The following DLGAP1 variants were observed in gnomAD, a reference collection of about 807,000 sequenced individuals.
The protein encoded by DLGAP1 is disks large-associated protein 1.
DLGAP1 carries 11 observed loss-of-function variants against 90.8 expected under a neutral mutation model. The observed-to-expected ratio is 0.12, with a 90% CI of 0.08 to 0.20. DLGAP1 has a LOEUF of 0.20. Among genes scored for constraint, DLGAP1 ranks in the 10% least tolerant of loss-of-function variants. The pLI is 1.00. For missense variants in DLGAP1, 1,050 were observed against 1,333.8 expected, an observed-to-expected ratio of 0.79 and a Z score of 3.31; for synonymous variants, 558 against 540.7, an observed-to-expected ratio of 1.03 and a Z score of -0.44.
At chr18:3,611,052 A>G (rs2057594035) in intron 7 of DLGAP1, among the ~76,000 whole-genome samples, 1 of 151,850 alleles carries the variant, frequency 6.6e-6, no homozygotes, top group Non-Finnish European at 1.5e-5. Flanking sequence ...GGATTGCTTG[A>G]GCCCAGGAGG....
At chr18:4,280,446 C>G (rs2079522537) in intron 1 of DLGAP1, among the ~76,000 whole-genome samples, 1 of 152,178 alleles carries the variant, frequency 6.6e-6, no homozygotes, top group Non-Finnish European at 1.5e-5. Context: ...AAGCCCACAA[C>G]TAGTATAGTG....
intron 2 of DLGAP1, among the ~76,000 whole-genome samples, chr18:4,103,198 T>C (rs2075807516): frequency 6.6e-6 from 1 of 152,208 alleles, no homozygotes. Flanking sequence ...TAGGTCAGCA[T>C]TTTAGAACTG....
intron 1 of DLGAP1, among the ~76,000 whole-genome samples, chr18:4,262,588 C>T (rs1261042850): frequency 6.6e-6 from 1 of 152,182 alleles, no homozygotes; most frequent in Non-Finnish European, 1.5e-5. Flanking sequence ...CAAATGACTC[C>T]TGATCCTGTG....
At chr18:3,888,242 C>T (rs1013615895) in intron 3 of DLGAP1, among the ~76,000 whole-genome samples, 2 of 150,886 alleles carry the variant, frequency 1.3e-5, no homozygotes, top group Non-Finnish European at 2.9e-5. Flanking sequence ...AAGATGATAA[C>T]TCAATGTCAT....
chr18:3,675,557 C>T (rs1207881673), intron 7 of DLGAP1, among the ~76,000 whole-genome samples: 1 of 152,194 alleles, frequency 6.6e-6, no homozygotes, highest in African/African-American at 2.4e-5. Flanking sequence ...AGATCTGTTG[C>T]TAATAAGCTA....
intron 7 of DLGAP1, among the ~76,000 whole-genome samples, chr18:3,643,523 C>T (rs548193489): frequency 4.2e-4 from 64 of 151,868 alleles, no homozygotes; most frequent in African/African-American, 1.4e-3. Flanking sequence ...ATTAGCCGGG[C>T]GTGGTGGCAG....
intron 4 of DLGAP1, among the ~76,000 whole-genome samples, chr18:3,854,088 A>G (rs1451967552): frequency 1.3e-5 from 2 of 152,172 alleles, no homozygotes; most frequent in Admixed American, 6.5e-5. Context: ...TACCCAATAA[A>G]TGCATATTAA....
At chr18:4,076,322 C>T (rs76045389) in intron 2 of DLGAP1, among the ~76,000 whole-genome samples, 11,987 of 152,104 alleles carry the variant, frequency 0.079, 600 homozygotes, top group East Asian at 0.17. Flanking sequence ...CTTCTTCTAC[C>T]AAGGCATTCA....
chr18:3,812,914 C>T (rs1273562633), intron 5 of DLGAP1, among the ~76,000 whole-genome samples: 1 of 151,976 alleles, frequency 6.6e-6, no homozygotes, highest in Non-Finnish European at 1.5e-5. Flanking sequence ...TAGTAATGTT[C>T]ATTTCATCAA....
At chr18:4,201,291 GT>G (rs1448628600) in intron 1 of DLGAP1, among the ~76,000 whole-genome samples, 11 of 151,964 alleles carry the variant, frequency 7.2e-5, no homozygotes, top group Admixed American at 3.9e-4. Context: ...TCTTCAGTTA[GT>G]TTTGTATATG....
chr18:3,858,085 A>G lies in DLGAP1; in HGVS notation c.957+21027T>C, dbSNP rs117162761. On this transcript the variant is annotated intron_variant, in intron 4 of 12. Transcript: ENST00000315677. ...ATCTTCAACTGAATAGGCTTCAGGC[A>G]TATAAGATTCAGCAGGCCGAGAACA... is the stretch of plus-strand genomic sequence containing the variant. Among the ~76,000 whole-genome samples, 1,498 of 152,292 alleles carry G rather than the reference A, an allele frequency of 9.8e-3. 9 individuals are homozygous for G. Among genetic ancestry groups the G allele is most frequent in the Non-Finnish European group, 0.017 (1,149 of 68,030 alleles).
intron 1 of DLGAP1, among the ~76,000 whole-genome samples, chr18:4,220,213 T>C (rs1185721015): frequency 2.6e-5 from 4 of 152,144 alleles, no homozygotes; most frequent in Non-Finnish European, 5.9e-5. Flanking sequence ...CCCCTAAGTA[T>C]TTTGTATGCT....
intron 1 of DLGAP1, among the ~76,000 whole-genome samples, chr18:4,178,796 T>C (rs916255222): frequency 1.3e-5 from 2 of 152,170 alleles, no homozygotes; most frequent in African/African-American, 2.4e-5. Context: ...AGTAAGTATA[T>C]ATTAAGGTCA....
At chr18:3,846,436 C>CA (rs1182399377) in intron 4 of DLGAP1, among the ~76,000 whole-genome samples, 1 of 152,192 alleles carries the variant, frequency 6.6e-6, no homozygotes, top group Non-Finnish European at 1.5e-5. Flanking sequence ...ACCCAGCAAT[C>CA]ACGCTTTTAG....
intron 1 of DLGAP1, among the ~76,000 whole-genome samples, chr18:4,331,728 G>C (rs1423517470): frequency 1.3e-5 from 2 of 151,702 alleles, no homozygotes; most frequent in East Asian, 3.9e-4. Context: ...TGGTCTTTCG[G>C]CTTCTTGATT....
chr18:3,772,453 C>T (rs1372181475), intron 5 of DLGAP1, among the ~76,000 whole-genome samples: 1 of 55,458 alleles, frequency 1.8e-5, no homozygotes, highest in Non-Finnish European at 3.8e-5. Flanking sequence ...CTCCCCCCCA[C>T]CCCCCTCTTT....
At chr18:3,552,965 GTT>G (rs34036156) in intron 9 of DLGAP1, among the ~76,000 whole-genome samples, 2,151 of 149,740 alleles carry the variant, frequency 0.014, 14 homozygotes, top group Non-Finnish European at 0.023. Flanking sequence ...AAATTTTGCT[GTT>G]TTTTTTTTTC....
At chr18:4,159,227 A>T (rs1209132329) in intron 1 of DLGAP1, among the ~76,000 whole-genome samples, 1 of 152,170 alleles carries the variant, frequency 6.6e-6, no homozygotes, top group Non-Finnish European at 1.5e-5. Context: ...TCCTTCTAAA[A>T]TACTATACAG....
At chr18:4,020,779 G>C (rs1013952121) in intron 2 of DLGAP1, among the ~76,000 whole-genome samples, 3 of 152,158 alleles carry the variant, frequency 2.0e-5, no homozygotes, top group African/African-American at 7.2e-5. Flanking sequence ...TAAGAAACTA[G>C]TTACAAGATT....
Sources: gnomAD v4.1 joint callset for allele counts (sites outside exome capture counted in the v4.1 genomes callset) on GRCh38, gnomAD v4.1.1 for gene constraint, MANE v1.5 for transcripts, NCBI Gene and HGNC (gene_info 2026-07-23, HGNC 2026-07-21) for gene names.